GPM6A: variants seen among roughly 807,000 people sequenced by gnomAD.
GPM6A encodes the protein neuronal membrane glycoprotein M6-a.
Under a neutral mutation model 32.1 loss-of-function variants are expected in GPM6A, and 7 were observed. The observed-to-expected ratio is 0.22, with a 90% confidence interval of 0.12 to 0.41. The LOEUF is 0.41. Ranked by LOEUF, GPM6A falls within the 10% of genes least tolerant of loss-of-function variation. The probability of loss-of-function intolerance (pLI) is 1.00; values close to 1 mark genes in which losing one functional copy is unlikely to be tolerated. For synonymous variants in GPM6A, 130 were observed against 123.4 expected (o/e 1.05, Z -0.35); for missense variants, 235 against 347.2 (o/e 0.68, Z 2.57).
At chr4:175,783,108 T>C (rs1733674497) in intron 1 of GPM6A, among the ~76,000 whole-genome samples, 1 of 152,034 alleles carries the variant, frequency 6.6e-6, no homozygotes, top group African/African-American at 2.4e-5. Flanking sequence ...GAGAAATGTT[T>C]TGAATTAACT....
rs1327358906 is a variant in GPM6A at position 175,881,238 on chromosome 4, A to G, written c.-22-68989T>C. On this transcript the variant is annotated intron_variant, in intron 1 of 7. Transcript: ENST00000280187. ...CATTAATGCAGCCAACAGACACATG[A>G]AAAAATGCTCATCATCACTGGCCAT... 4.6e-5 allele frequency among the ~76,000 whole-genome samples: 7 copies of G among 152,234 alleles called. No homozygotes were observed. In the South Asian group the frequency reaches 8.3e-4, roughly 18 times the overall value.
intron 1 of GPM6A, among the ~76,000 whole-genome samples, chr4:175,798,225 T>C (rs1412081907): frequency 6.6e-6 from 1 of 152,208 alleles, no homozygotes; most frequent in Non-Finnish European, 1.5e-5. Context: ...AGTTATTCAT[T>C]TATAACGATC....
chr4:175,955,382 C>T (rs1739950952), intron 1 of GPM6A, among the ~76,000 whole-genome samples: 1 of 152,142 alleles, frequency 6.6e-6, no homozygotes. Context: ...ACTATGGAAC[C>T]AGGAAACTCA....
At chr4:175,889,240 G>A (rs527648116) in intron 1 of GPM6A, among the ~76,000 whole-genome samples, 1 of 151,988 alleles carries the variant, frequency 6.6e-6, no homozygotes, top group Non-Finnish European at 1.5e-5. Flanking sequence ...ATTTTTAAGC[G>A]ACAAATAATA....
At chr4:175,827,823 A>C (rs986843712) in intron 1 of GPM6A, among the ~76,000 whole-genome samples, 1 of 152,168 alleles carries the variant, frequency 6.6e-6, no homozygotes, top group African/African-American at 2.4e-5. Context: ...GTGAGGATCA[A>C]ATGCATTCCG....
chr4:175,905,007 C>A (rs1051522834), intron 1 of GPM6A, among the ~76,000 whole-genome samples: 8 of 152,046 alleles, frequency 5.3e-5, no homozygotes, highest in Non-Finnish European at 1.0e-4. Flanking sequence ...CAGGAAAAAT[C>A]ATTTATCACA....
At chr4:175,794,426 A>G (rs1734134624) in intron 1 of GPM6A, among the ~76,000 whole-genome samples, 2 of 152,196 alleles carry the variant, frequency 1.3e-5, no homozygotes, top group African/African-American at 4.8e-5. Context: ...ATTTCCTTTC[A>G]AAGATACAGT....
intron 1 of GPM6A, among the ~76,000 whole-genome samples, chr4:175,852,439 A>G (rs1014064224): frequency 1.3e-5 from 2 of 152,210 alleles, no homozygotes; most frequent in Admixed American, 6.5e-5. Context: ...GCAAAGACCT[A>G]TCTTCATTCT....
chr4:175,945,254 A>G (rs1739552566), intron 1 of GPM6A, among the ~76,000 whole-genome samples: 2 of 152,214 alleles, frequency 1.3e-5, no homozygotes, highest in South Asian at 4.1e-4. Flanking sequence ...AACTGCACGT[A>G]TCACTAGATA....
chr4:175,709,539 C>A (rs1350752874), intron 1 of GPM6A, among the ~76,000 whole-genome samples: 1 of 151,882 alleles, frequency 6.6e-6, no homozygotes, highest in African/African-American at 2.4e-5. Flanking sequence ...ACCAGCCTGG[C>A]CAACATGGTG....
intron 3 of GPM6A, among the ~76,000 whole-genome samples, chr4:175,667,958 C>G (rs1048889057): frequency 1.2e-3 from 188 of 152,168 alleles, no homozygotes; most frequent in African/African-American, 4.2e-3. Context: ...TTATGGTGAT[C>G]TGAGAAGCAT....
At chr4:175,677,424 A>T (rs903280360) in intron 2 of GPM6A, among the ~76,000 whole-genome samples, 2 of 152,152 alleles carry the variant, frequency 1.3e-5, no homozygotes, top group Non-Finnish European at 2.9e-5. Flanking sequence ...GGCATAAGAC[A>T]AAAACCTCTA....
chr4:175,955,528 A>T (rs1175202883), intron 1 of GPM6A, among the ~76,000 whole-genome samples: 1 of 152,194 alleles, frequency 6.6e-6, no homozygotes, highest in Non-Finnish European at 1.5e-5. Context: ...ATACAATGTT[A>T]GCTATCATAT....
chr4:175,745,559 A>T (rs1732069642), intron 1 of GPM6A, among the ~76,000 whole-genome samples: 1 of 152,192 alleles, frequency 6.6e-6, no homozygotes, highest in Admixed American at 6.6e-5. Context: ...GACCTAGTGT[A>T]CTTGGCAGGG....
At chr4:175,644,480 G>A (rs779087505) in intron 4 of GPM6A, among the ~76,000 whole-genome samples, 14 of 151,474 alleles carry the variant, frequency 9.2e-5, no homozygotes, top group East Asian at 3.9e-4. Context: ...AAGTTTTTGT[G>A]ATAAGTATAC....
chr4:175,665,127 G>A (rs1313184962), intron 3 of GPM6A, among the ~76,000 whole-genome samples: 1 of 152,202 alleles, frequency 6.6e-6, no homozygotes. Context: ...GTGCATCACT[G>A]TAATTAAAAT....
intron 1 of GPM6A, among the ~76,000 whole-genome samples, chr4:175,895,641 CAGT>C (rs1269780353): frequency 2.0e-5 from 3 of 152,056 alleles, no homozygotes; most frequent in African/African-American, 7.2e-5. Context: ...AATATAGTAA[CAGT>C]AGGATATTGG....
intron 1 of GPM6A, among the ~76,000 whole-genome samples, chr4:175,871,864 CT>C (rs1736921526): frequency 6.6e-6 from 1 of 151,986 alleles, no homozygotes; most frequent in Non-Finnish European, 1.5e-5. Flanking sequence ...AATTTTATTT[CT>C]TTTTTTTCCT....
intron 1 of GPM6A, among the ~76,000 whole-genome samples, chr4:175,994,284 A>T (rs1259251553): frequency 1.3e-5 from 2 of 152,254 alleles, no homozygotes; most frequent in Non-Finnish European, 2.9e-5. Flanking sequence ...TTTAGTAGTG[A>T]AATGAAACAG....
Sources: allele counts gnomAD v4.1 joint callset (sites outside exome capture counted in the v4.1 genomes callset), GRCh38; gene constraint gnomAD v4.1.1; transcripts MANE v1.5; gene names NCBI Gene and HGNC (gene_info 2026-07-23, HGNC 2026-07-21).